The following CNTNAP5 variants were observed in gnomAD, a reference collection of about 807,000 sequenced individuals.
The protein encoded by CNTNAP5 is contactin associated protein family member 5, also known as contactin-associated protein-like 5.
CNTNAP5 carries 72 observed loss-of-function variants against 150.2 expected under a neutral mutation model. That is an observed-to-expected ratio of 0.48 (90% confidence interval 0.40 to 0.58). The LOEUF is 0.58. Among genes scored for constraint, CNTNAP5 ranks in the 20% least tolerant of loss-of-function variants. CNTNAP5 has a pLI of 0.00. For missense variants in CNTNAP5, 1,636 were observed against 1,626.2 expected (o/e 1.01, Z -0.10); for synonymous variants, 672 against 619.8 (o/e 1.08, Z -1.25).
At position 124,920,049 on chromosome 2, in the gene CNTNAP5, A is replaced by G. The variant is rs1188953173; in HGVS notation, c.*5761A>G. Among the ~76,000 whole-genome samples, 1 of 152,106 alleles carries G rather than the reference A, an allele frequency of 6.6e-6. No homozygotes were observed. The highest frequency in any genetic ancestry group is 1.5e-5 in the Non-Finnish European group (1 of 68,016). On this transcript the variant is annotated 3_prime_UTR_variant, in exon 24 of 24. Transcript: ENST00000682447. The stretch of plus-strand genomic sequence containing the variant: ...TGACAACGAGTACCGCCAGGGACCT[A>G]CCATCTAACACCATCTGGGAACACT...
intron 14 of CNTNAP5, among the ~76,000 whole-genome samples, chr2:124,749,909 T>A (rs1385820600): frequency 6.6e-6 from 1 of 152,184 alleles, no homozygotes; most frequent in Non-Finnish European, 1.5e-5. Flanking sequence ...TTAATTGGGC[T>A]GAAGGGCTCT....
intron 3 of CNTNAP5, among the ~76,000 whole-genome samples, chr2:124,262,523 T>C (rs1031809896): frequency 7.2e-5 from 11 of 152,174 alleles, no homozygotes; most frequent in African/African-American, 2.7e-4. Context: ...TAGCAATTTA[T>C]CCCCGGTTCA....
chr2:124,485,622 A>G (rs1558922823), intron 7 of CNTNAP5, among the ~76,000 whole-genome samples: 1 of 147,258 alleles, frequency 6.8e-6, no homozygotes, highest in Non-Finnish European at 1.5e-5. Context: ...CAAAAAAAAA[A>G]AAAAAAAAAA....
intron 1 of CNTNAP5, among the ~76,000 whole-genome samples, chr2:124,045,887 A>G (rs999139022): frequency 6.6e-6 from 1 of 152,124 alleles, no homozygotes; most frequent in Non-Finnish European, 1.5e-5. Context: ...AAAAATTCAC[A>G]TTCTTTGTTT....
At chr2:124,854,433 A>G (rs990106832) in intron 19 of CNTNAP5, among the ~76,000 whole-genome samples, 4 of 152,240 alleles carry the variant, frequency 2.6e-5, no homozygotes, top group Admixed American at 2.6e-4. Context: ...GGATTTAATG[A>G]AAAACCTATC....
At chr2:124,889,102 T>TG (rs1224387287) in intron 21 of CNTNAP5, among the ~76,000 whole-genome samples, 1 of 146,078 alleles carries the variant, frequency 6.8e-6, no homozygotes, top group East Asian at 2.0e-4. Flanking sequence ...TTTTTTTTTT[T>TG]TTTTGAGAGA....
At chr2:124,334,401 T>C (rs934303625) in intron 3 of CNTNAP5, among the ~76,000 whole-genome samples, 3 of 152,034 alleles carry the variant, frequency 2.0e-5, no homozygotes, top group Non-Finnish European at 4.4e-5. Flanking sequence ...GAAAGGCCTA[T>C]GGAGTTTTAC....
At chr2:124,374,739 C>T (rs977011580) in intron 3 of CNTNAP5, among the ~76,000 whole-genome samples, 1 of 152,042 alleles carries the variant, frequency 6.6e-6, no homozygotes, top group African/African-American at 2.4e-5. Flanking sequence ...GGTTTCTAAA[C>T]AGCATTCTCC....
chr2:124,206,808 T>C (rs987401046), intron 1 of CNTNAP5, among the ~76,000 whole-genome samples: 7 of 152,044 alleles, frequency 4.6e-5, no homozygotes, highest in African/African-American at 1.4e-4. Context: ...GGGTGAGTAA[T>C]AGGGGACAGA....
chr2:124,798,049 T>C (rs1269320587), intron 18 of CNTNAP5, 47 bp from the exon 19 acceptor site: 2 of 1,433,756 alleles, frequency 1.4e-6, no homozygotes, highest in Non-Finnish European at 1.9e-6. Context: ...GCTTGAACAA[T>C]GGATCTAAAG....
At chr2:124,038,758 C>T (rs1051685850) in intron 1 of CNTNAP5, among the ~76,000 whole-genome samples, 1 of 152,204 alleles carries the variant, frequency 6.6e-6, no homozygotes, top group Non-Finnish European at 1.5e-5. Context: ...CATGTAGGTA[C>T]CGTGTGAAGA....
chr2:124,355,437 G>A (rs1197036628), intron 3 of CNTNAP5, among the ~76,000 whole-genome samples: 1 of 152,116 alleles, frequency 6.6e-6, no homozygotes, highest in Non-Finnish European at 1.5e-5. Flanking sequence ...GTTGTGGAAT[G>A]GAGCAGAGCT....
rs535096398 is a variant in CNTNAP5 at position 124,675,950 on chromosome 2, G to T, written c.2077+27992G>T. 3.3e-5 allele frequency among the ~76,000 whole-genome samples: 5 copies of T among 152,082 alleles called. No individual in the cohort carries two copies. The East Asian group carries it at 9.7e-4, about 29-fold the overall frequency. On this transcript the variant is annotated intron_variant, in intron 13 of 23. Transcript: ENST00000682447. The stretch of plus-strand genomic sequence containing the variant: ...CTAGTAATGTGTTTCTTGAAAATAG[G>T]ACATTTCAGATAATATAATGTGGAA...
chr2:124,742,577 TAGG>T (rs1006729971), intron 13 of CNTNAP5, among the ~76,000 whole-genome samples: 63 of 151,990 alleles, frequency 4.1e-4, no homozygotes, highest in East Asian at 9.7e-4. Flanking sequence ...AATACTTTCT[TAGG>T]AGGATTTATA....
At chr2:124,277,879 C>A (rs188299793) in intron 3 of CNTNAP5, among the ~76,000 whole-genome samples, 1 of 152,086 alleles carries the variant, frequency 6.6e-6, no homozygotes, top group Non-Finnish European at 1.5e-5. Flanking sequence ...CACCACCATG[C>A]GGATATGCAG....
chr2:124,886,402 A>G (rs1558813690), intron 21 of CNTNAP5, among the ~76,000 whole-genome samples: 1 of 152,056 alleles, frequency 6.6e-6, no homozygotes, highest in African/African-American at 2.4e-5. Flanking sequence ...TTGCAAATCT[A>G]TCCTCTTTGA....
In CNTNAP5 at chr2:124,328,716, T is replaced by A. The variant is rs192486071; in HGVS notation, c.381+86323T>A. ...TTCTAATAGGATGGGGTGAGATAAG[T>A]AGTTCTTTAACAGATATACAAAAGA... On this transcript the variant is annotated intron_variant, in intron 3 of 23. Transcript: ENST00000682447. 6.6e-5 allele frequency among the ~76,000 whole-genome samples: 10 copies of A among 152,222 alleles called. No individual in the cohort carries two copies. The East Asian group carries it at 1.9e-3, about 29-fold the overall frequency.
intron 10 of CNTNAP5, among the ~76,000 whole-genome samples, chr2:124,548,241 G>C (rs1025556502): frequency 1.3e-5 from 2 of 152,174 alleles, no homozygotes; most frequent in African/African-American, 4.8e-5. Flanking sequence ...TCTAGAACAG[G>C]CACGATGTCA....
At chr2:124,417,420 T>C in intron 3 of CNTNAP5, 23 bp from the exon 4 acceptor site, 1 of 1,609,392 alleles carries the variant, frequency 6.2e-7, no homozygotes. Context: ...CAGACCTCAC[T>C]GCCTCTCCTT....
Sources: gnomAD v4.1 joint callset for allele counts (sites outside exome capture counted in the v4.1 genomes callset) on GRCh38, gnomAD v4.1.1 for gene constraint, MANE v1.5 for transcripts, NCBI Gene and HGNC (gene_info 2026-07-23, HGNC 2026-07-21) for gene names.